WBP1L: variants seen among roughly 807,000 people sequenced by gnomAD.
WBP1L encodes WW domain binding protein 1-like.
Under a neutral mutation model 33.7 loss-of-function variants are expected in WBP1L, and 17 were observed. The observed-to-expected ratio is 0.50, with a 90% CI of 0.34 to 0.76. The LOEUF (loss-of-function observed/expected upper bound fraction) is 0.76, where lower values mean the gene tolerates loss of function less well. Among genes scored for constraint, WBP1L ranks in the 30% least tolerant of loss-of-function variants. The pLI is 0.01. For missense variants in WBP1L, 389 were observed against 469.4 expected (o/e 0.83, Z 1.58); for synonymous variants, 173 against 190.8 (o/e 0.91, Z 0.77).
chr10:102,761,113 G>A (rs939150342), intron 1 of WBP1L, among the ~76,000 whole-genome samples: 3 of 147,718 alleles, frequency 2.0e-5, no homozygotes, highest in African/African-American at 7.5e-5. Context: ...CACCATGTTG[G>A]CCAGGCTGTT....
chr10:102,793,203 G>A (rs187510679), intron 1 of WBP1L, among the ~76,000 whole-genome samples: 4 of 152,304 alleles, frequency 2.6e-5, no homozygotes, highest in African/African-American at 7.2e-5. Flanking sequence ...CACTTTGGGA[G>A]GCCAAGATGG....
chr10:102,811,576 T>C (rs545252058), intron 3 of WBP1L, among the ~76,000 whole-genome samples: 1 of 152,344 alleles, frequency 6.6e-6, no homozygotes, highest in Admixed American at 6.5e-5. Flanking sequence ...AGTGGCGTGA[T>C]CTTGGCTCAC....
intron 2 of WBP1L, among the ~76,000 whole-genome samples, chr10:102,802,075 C>T (rs1395061226): frequency 1.5e-4 from 14 of 91,452 alleles, no homozygotes; most frequent in African/African-American, 5.7e-4. Flanking sequence ...CTTCCCCCAG[C>T]CTTTCCCTTT....
intron 1 of WBP1L, among the ~76,000 whole-genome samples, chr10:102,745,168 T>C (rs1590162006): frequency 6.6e-6 from 1 of 152,358 alleles, no homozygotes; most frequent in Non-Finnish European, 1.5e-5. Context: ...GCGCTTGAAC[T>C]TGTGTTGTGA....
chr10:102,795,732 T>G (rs1411097602), intron 1 of WBP1L, among the ~76,000 whole-genome samples: 1 of 152,246 alleles, frequency 6.6e-6, no homozygotes, highest in African/African-American at 2.4e-5. Flanking sequence ...GTGGACACTT[T>G]GAACTGTGCT....
In WBP1L at chr10:102,743,973, G is replaced by A; in HGVS notation, c.-81G>A. The A allele has an allele frequency of 1.8e-6, 2 of 1,084,386 alleles. No homozygotes were observed. The highest frequency in any genetic ancestry group is 2.7e-6 in the Non-Finnish European group (2 of 748,794). 67.2% of individuals were successfully genotyped at this position (1,084,386 alleles called of 1,614,324 possible). On this transcript the variant is annotated 5_prime_UTR_variant, in exon 1 of 4. Transcript: ENST00000448841. ...GTCAAACAGGAAAAGAAGGGAAGAA[G>A]GAAGAAGAGGGTAGAGGAGGAGAGG... is the stretch of plus-strand genomic sequence containing the variant.
intron 2 of WBP1L, among the ~76,000 whole-genome samples, chr10:102,799,172 A>G (rs1209704492): frequency 1.3e-5 from 2 of 152,164 alleles, no homozygotes; most frequent in African/African-American, 2.4e-5. Context: ...CTAAAAATAC[A>G]AAAATTATCT....
At chr10:102,812,513 G>A in intron 3 of WBP1L, 82 bp from the exon 4 acceptor site, 1 of 1,459,556 alleles carries the variant, frequency 6.9e-7, no homozygotes, top group Non-Finnish European at 9.1e-7. Flanking sequence ...AAGAGACAAT[G>A]CAAATATTCA....
At position 102,749,916 on chromosome 10, in the gene WBP1L, T is replaced by G. The variant is rs117847542; in HGVS notation, c.90+5773T>G. On this transcript the variant is annotated intron_variant, in intron 1 of 3. Coordinates refer to ENST00000448841, the MANE Select transcript of WBP1L (RefSeq NM_001083913.2). Reference sequence around the variant, plus strand: ...CCTCAGCCTCCCAAATAGCTGGGATTACAAGCACTGCCACCATGCCTGGGT... The same window carrying G: ...CCTCAGCCTCCCAAATAGCTGGGATGACAAGCACTGCCACCATGCCTGGGT... Among the ~76,000 whole-genome samples the G allele has an allele frequency of 6.3e-3, 952 of 151,316 alleles. 11 individuals carry two copies. Among genetic ancestry groups the G allele is most frequent in the Non-Finnish European group, 0.01 (679 of 67,806 alleles).
chr10:102,785,106 T>G (rs932680968), intron 1 of WBP1L, among the ~76,000 whole-genome samples: 2 of 151,112 alleles, frequency 1.3e-5, no homozygotes, highest in African/African-American at 4.9e-5. Flanking sequence ...ACTCCTGACC[T>G]CAGGTAATCT....
intron 1 of WBP1L, among the ~76,000 whole-genome samples, chr10:102,772,600 C>T (rs1241789886): frequency 1.8e-5 from 2 of 109,230 alleles, no homozygotes; most frequent in East Asian, 6.2e-4. Flanking sequence ...GACAGAGTCT[C>T]GTTCTGTCGC....
chr10:102,794,590 A>G (rs1843547661), intron 1 of WBP1L, among the ~76,000 whole-genome samples: 1 of 151,968 alleles, frequency 6.6e-6, no homozygotes, highest in Admixed American at 6.6e-5. Flanking sequence ...TAGAGCTGGG[A>G]TCTACAAAAA....
rs1190488309 is a variant in WBP1L at position 102,809,325 on chromosome 10, G to A, written c.194-568G>A. ...ACTCCTGACCTCAGGTGATCTGCAC[G>A]CCTCGGCCTCCCAAAATGCTGGGAT... On this transcript the variant is annotated intron_variant, in intron 2 of 3. Coordinates refer to ENST00000448841, the MANE Select transcript of WBP1L (RefSeq NM_001083913.2). Among the ~76,000 whole-genome samples the A allele has an allele frequency of 2.7e-5, 4 of 149,310 alleles. 1 individual carries two copies. In the South Asian group the frequency reaches 8.5e-4, roughly 32 times the overall value.
At position 102,744,003 on chromosome 10, in the gene WBP1L, A is replaced by G. The variant is rs1334686786; in HGVS notation, c.-51A>G. ...AAGAGGGTAGAGGAGGAGAGGGAGGAGGAGGAGGGAGGTGGCGGCGCCGTG... is the reference window on the plus strand; with the variant it reads ...AAGAGGGTAGAGGAGGAGAGGGAGGGGGAGGAGGGAGGTGGCGGCGCCGTG... On this transcript the variant is annotated 5_prime_UTR_variant, in exon 1 of 4. Transcript: ENST00000448841. 7 of 1,312,264 alleles carry G rather than the reference A, an allele frequency of 5.3e-6. No homozygotes were observed. Among genetic ancestry groups the G allele is most frequent in the Non-Finnish European group, 6.4e-6 (6 of 934,478 alleles). 81.3% of individuals were successfully genotyped at this position (1,312,264 alleles called of 1,614,324 possible).
chr10:102,778,002 T>G (rs376593869), intron 1 of WBP1L, among the ~76,000 whole-genome samples: 82 of 151,686 alleles, frequency 5.4e-4, no homozygotes, highest in African/African-American at 1.8e-3. Context: ...CCTAACAGAG[T>G]GGAAAGAGTG....
At chr10:102,790,595 C>G (rs538851583) in intron 1 of WBP1L, among the ~76,000 whole-genome samples, 7 of 152,286 alleles carry the variant, frequency 4.6e-5, no homozygotes, top group African/African-American at 1.7e-4. Flanking sequence ...ACTGCAACCT[C>G]TGCCTCCCGG....
intron 1 of WBP1L, among the ~76,000 whole-genome samples, chr10:102,754,684 C>T (rs1158786418): frequency 2.6e-4 from 39 of 152,056 alleles, no homozygotes; most frequent in Middle Eastern, 3.4e-3. Flanking sequence ...TGAGACACCG[C>T]GGCAGGCCCC....
rs1389429151 is a variant in WBP1L, at chr10:102,815,109, G to A, written c.*1778G>A. 2 of 152,552 alleles carry A rather than the reference G, an allele frequency of 1.3e-5. No homozygotes were observed. The highest frequency in any genetic ancestry group is 2.4e-5 in the African/African-American group (1 of 41,396). The allele number at this position is 152,552 out of a possible 1,614,324, so 9.4% of individuals were successfully genotyped here. On this transcript the variant is annotated 3_prime_UTR_variant, in exon 4 of 4. Coordinates refer to ENST00000448841, the MANE Select transcript of WBP1L (RefSeq NM_001083913.2). ...GCCATTCTCTCCACGTGAACCACAC[G>A]TCTGGAGCACAGACAGGCCTCTCAA...
chr10:102,765,279 G>C (rs1424052059), intron 1 of WBP1L, among the ~76,000 whole-genome samples: 1 of 152,030 alleles, frequency 6.6e-6, no homozygotes, highest in African/African-American at 2.4e-5. Flanking sequence ...GCACAGGCTG[G>C]AGTGCAGTGG....
Sources: gnomAD v4.1 joint callset for allele counts (sites outside exome capture counted in the v4.1 genomes callset) on GRCh38, gnomAD v4.1.1 for gene constraint, MANE v1.5 for transcripts, NCBI Gene and HGNC (gene_info 2026-07-23, HGNC 2026-07-21) for gene names.